KLHL29: variants seen among roughly 807,000 people sequenced by gnomAD.
The protein encoded by KLHL29 is kelch like family member 29, also known as kelch-like protein 29.
KLHL29 carries 21 observed loss-of-function variants against 80.4 expected under a neutral mutation model. The observed-to-expected ratio is 0.26, with a 90% CI of 0.19 to 0.38. The LOEUF (loss-of-function observed/expected upper bound fraction) is 0.38, where lower values mean the gene tolerates loss of function less well. KLHL29 is among the 10% of genes least tolerant of loss of function. The probability of loss-of-function intolerance (pLI) is 1.00; values close to 1 mark genes in which losing one functional copy is unlikely to be tolerated. For synonymous variants in KLHL29, 511 were observed against 526.8 expected (o/e 0.97, Z 0.41); for missense variants, 867 against 1,223.9 (o/e 0.71, Z 4.35).
At chr2:23,652,751 T>C (rs207461589) in intron 5 of KLHL29, among the ~76,000 whole-genome samples, 4 of 152,354 alleles carry the variant, frequency 2.6e-5, no homozygotes, top group Admixed American at 6.5e-5. Flanking sequence ...CAGAGATATA[T>C]GAATATACAC....
chr2:23,523,650 G>A (rs1479754199), intron 2 of KLHL29, among the ~76,000 whole-genome samples: 3 of 152,236 alleles, frequency 2.0e-5, no homozygotes, highest in Middle Eastern at 3.4e-3. Flanking sequence ...CTTCCCAGCT[G>A]CCTTTGCCAT....
chr2:23,663,722 G>C (rs1037063089), intron 5 of KLHL29, among the ~76,000 whole-genome samples: 124 of 152,278 alleles, frequency 8.1e-4, no homozygotes, highest in African/African-American at 2.9e-3. Context: ...AACTTCCTCT[G>C]GTAGAATCAT....
chr2:23,466,866 G>A (rs1162560848), intron 1 of KLHL29, among the ~76,000 whole-genome samples: 1 of 152,208 alleles, frequency 6.6e-6, no homozygotes, highest in African/African-American at 2.4e-5. Context: ...GGAAGACTGG[G>A]TTGGGATGTT....
intron 3 of KLHL29, among the ~76,000 whole-genome samples, chr2:23,614,276 G>T (rs1427396529): frequency 1.3e-5 from 2 of 152,124 alleles, no homozygotes; most frequent in Admixed American, 1.3e-4. Context: ...GACCACCCTG[G>T]ACACATGTCA....
chr2:23,535,591 A>T (rs1438997924), intron 2 of KLHL29, among the ~76,000 whole-genome samples: 1 of 152,246 alleles, frequency 6.6e-6, no homozygotes, highest in Non-Finnish European at 1.5e-5. Context: ...TGCTATAGTC[A>T]TGGATACCTA....
chr2:23,511,867 G>A (rs373762324), intron 2 of KLHL29, among the ~76,000 whole-genome samples: 43 of 152,292 alleles, frequency 2.8e-4, no homozygotes, highest in East Asian at 2.5e-3. Flanking sequence ...TGAACAACAC[G>A]TGCTGGTGGC....
At chr2:23,390,185 A>G (rs1666282856) in intron 1 of KLHL29, among the ~76,000 whole-genome samples, 1 of 152,258 alleles carries the variant, frequency 6.6e-6, no homozygotes, top group African/African-American at 2.4e-5. Context: ...TGGAAGTAGC[A>G]ACAGAGTTCT....
rs1262920933 is a variant in KLHL29, at chr2:23,526,200, C to G, written c.-45-35952C>G. On this transcript the variant is annotated intron_variant, in intron 2 of 13. Transcript: ENST00000486442. The stretch of plus-strand genomic sequence containing the variant: ...GAGGAAGCTGCATGGAGTGTGCAGT[C>G]TGGCAGGGGATGCCCACGTGCAGTC... Among the ~76,000 whole-genome samples the G allele has an allele frequency of 2.0e-5, 3 of 152,152 alleles. No homozygotes were observed. In the East Asian group the frequency reaches 5.8e-4, roughly 29 times the overall value.
At chr2:23,620,641 A>G (rs1669152712) in intron 3 of KLHL29, among the ~76,000 whole-genome samples, 1 of 152,158 alleles carries the variant, frequency 6.6e-6, no homozygotes, top group Non-Finnish European at 1.5e-5. Context: ...ACAGAGTGTG[A>G]AGTGCAGGCA....
chr2:23,703,612 G>C (rs1672528610), intron 12 of KLHL29, 107 bp from the exon 13 acceptor site: 2 of 1,340,314 alleles, frequency 1.5e-6, no homozygotes, highest in African/African-American at 1.5e-5. Context: ...TCAGTCACTT[G>C]TTGGAAGTCT....
chr2:23,676,660 G>T (rs1670930596), intron 5 of KLHL29, among the ~76,000 whole-genome samples: 1 of 152,228 alleles, frequency 6.6e-6, no homozygotes, highest in Non-Finnish European at 1.5e-5. Flanking sequence ...GAGGCTTAAG[G>T]AATGGATGGG....
At chr2:23,644,509 A>G (rs996262717) in intron 5 of KLHL29, among the ~76,000 whole-genome samples, 1 of 152,246 alleles carries the variant, frequency 6.6e-6, no homozygotes, top group African/African-American at 2.4e-5. Context: ...TAACTAGCTG[A>G]GAAAGGACTG....
At chr2:23,592,563 A>T (rs2103517090) in intron 3 of KLHL29, among the ~76,000 whole-genome samples, 1 of 152,358 alleles carries the variant, frequency 6.6e-6, no homozygotes, top group Non-Finnish European at 1.5e-5. Context: ...AGGCCCTGCC[A>T]GGCTGGCTGC....
intron 2 of KLHL29, among the ~76,000 whole-genome samples, chr2:23,492,879 ATAC>A (rs1665147633): frequency 6.6e-6 from 1 of 152,034 alleles, no homozygotes; most frequent in Admixed American, 6.6e-5. Flanking sequence ...TAGCCTCACG[ATAC>A]TACGATGCAG....
chr2:23,515,929 G>A (rs1246784715), intron 2 of KLHL29, among the ~76,000 whole-genome samples: 1 of 152,172 alleles, frequency 6.6e-6, no homozygotes, highest in Non-Finnish European at 1.5e-5. Context: ...ATTGATAGCT[G>A]TCCCCACAAA....
intron 3 of KLHL29, among the ~76,000 whole-genome samples, chr2:23,602,340 T>G (rs1668593408): frequency 6.6e-6 from 1 of 152,152 alleles, no homozygotes; most frequent in African/African-American, 2.4e-5. Context: ...TCCTTGCGCT[T>G]TTCTTGGTAA....
intron 2 of KLHL29, among the ~76,000 whole-genome samples, chr2:23,552,316 T>A (rs573055014): frequency 6.6e-6 from 1 of 152,368 alleles, no homozygotes; most frequent in African/African-American, 2.4e-5. Context: ...TGATGATGGT[T>A]TGATGGTTTG....
intron 1 of KLHL29, among the ~76,000 whole-genome samples, chr2:23,420,013 T>C (rs1181605847): frequency 6.6e-6 from 1 of 152,138 alleles, no homozygotes; most frequent in African/African-American, 2.4e-5. Flanking sequence ...CTTTCACTCG[T>C]GGAATGCCTG....
intron 2 of KLHL29, among the ~76,000 whole-genome samples, chr2:23,512,503 AT>A (rs1665803756): frequency 6.6e-6 from 1 of 152,136 alleles, no homozygotes; most frequent in East Asian, 1.9e-4. Context: ...TATGGCAAGG[AT>A]TAAGCTAATT....
Sources: gnomAD v4.1 joint callset for allele counts (sites outside exome capture counted in the v4.1 genomes callset) on GRCh38, gnomAD v4.1.1 for gene constraint, MANE v1.5 for transcripts, NCBI Gene and HGNC (gene_info 2026-07-23, HGNC 2026-07-21) for gene names.